Variants in UNC5C observed in about 807,000 individuals in gnomAD.
UNC5C encodes unc-5 netrin receptor C.
In UNC5C, 47 loss-of-function variants were observed where a neutral mutation model predicts 99.8. That is an observed-to-expected ratio of 0.47 (90% CI 0.37 to 0.60). The LOEUF is 0.60. UNC5C is among the 20% of genes least tolerant of loss of function. The pLI is 0.00. For synonymous variants in UNC5C, 487 were observed against 452.2 expected, an observed-to-expected ratio of 1.08 and a Z score of -0.98; for missense variants, 1,062 against 1,165.9, an observed-to-expected ratio of 0.91 and a Z score of 1.30.
rs1002437984 is a variant in UNC5C at position 95,167,395 on chromosome 4, A to G, written c.*1839T>C. The G allele has an allele frequency of 4.1e-5, 6 of 146,510 alleles. No individual in the cohort carries two copies. Among genetic ancestry groups the G allele is most frequent in the Non-Finnish European group, 7.4e-5 (5 of 68,020 alleles). The allele number at this position is 146,510 out of a possible 1,614,324, so 9.1% of individuals were successfully genotyped here. ...GTTTACACAAAGTAGTGTGTTGACT[A>G]ACAAACATTTTGCAGGACAAAAGTT... is the stretch of plus-strand genomic sequence containing the variant. On this transcript the variant is annotated 3_prime_UTR_variant, in exon 16 of 16. Transcript: ENST00000453304.
At chr4:95,520,523 C>T (rs1179149570) in intron 1 of UNC5C, among the ~76,000 whole-genome samples, 2 of 150,940 alleles carry the variant, frequency 1.3e-5, no homozygotes, top group Non-Finnish European at 2.9e-5. Context: ...TGAAATGGAA[C>T]AAAGAAGCTG....
intron 7 of UNC5C, among the ~76,000 whole-genome samples, chr4:95,225,460 T>G (rs1553955167): frequency 6.6e-6 from 1 of 152,178 alleles, no homozygotes; most frequent in Non-Finnish European, 1.5e-5. Context: ...GATTGTCAAA[T>G]GGAGCAAGGT....
At chr4:95,355,907 C>G (rs545809961) in intron 1 of UNC5C, among the ~76,000 whole-genome samples, 71 of 152,030 alleles carry the variant, frequency 4.7e-4, no homozygotes, top group South Asian at 1.2e-3. Flanking sequence ...GTTAAGACTC[C>G]TTATTACTGG....
intron 1 of UNC5C, among the ~76,000 whole-genome samples, chr4:95,482,915 C>T (rs372929121): frequency 5.9e-5 from 8 of 135,080 alleles, no homozygotes; most frequent in East Asian, 2.1e-4. Flanking sequence ...TGCTAAATGA[C>T]GAGTTAATGG....
At position 95,182,890 on chromosome 4, in the gene UNC5C, C is replaced by CACTT; in HGVS notation, c.2451+3_2451+6dup. ...CCCCTGATTTCAGACAGACAGGAGCCACTTACCTCTGACACGGTGCAGTTG... is the reference window on the plus strand; with the variant it reads ...CCCCTGATTTCAGACAGACAGGAGCCACTTACTTACCTCTGACACGGTGCAGTTG... On this transcript the variant is annotated splice_region_variant and intron_variant, in intron 14 of 15. Coordinates refer to ENST00000453304, the MANE Select transcript of UNC5C (RefSeq NM_003728.4). 6.2e-7 allele frequency: 1 copy of CACTT among 1,607,312 alleles called. No individual in the cohort carries two copies. Among genetic ancestry groups the CACTT allele is most frequent in the Non-Finnish European group, 8.5e-7 (1 of 1,174,746 alleles).
chr4:95,424,248 C>T (rs1223220307), intron 1 of UNC5C, among the ~76,000 whole-genome samples: 2 of 152,052 alleles, frequency 1.3e-5, no homozygotes, highest in East Asian at 3.9e-4. Context: ...ACATCCCTCC[C>T]TACCCCCACC....
At chr4:95,334,522 A>T (rs1459448809) in intron 2 of UNC5C, among the ~76,000 whole-genome samples, 2 of 152,000 alleles carry the variant, frequency 1.3e-5, no homozygotes, top group Non-Finnish European at 1.5e-5. Context: ...TCAAAGAGTT[A>T]TTCTGTCTGC....
At chr4:95,414,217 C>T (rs545083787) in intron 1 of UNC5C, among the ~76,000 whole-genome samples, 2 of 130,378 alleles carry the variant, frequency 1.5e-5, no homozygotes, top group African/African-American at 5.8e-5. Context: ...TTCCCCACCT[C>T]CCCCCCACAA....
chr4:95,406,849 A>G (rs114765531), intron 1 of UNC5C, among the ~76,000 whole-genome samples: 3,275 of 152,312 alleles, frequency 0.022, 54 homozygotes, highest in Non-Finnish European at 0.033. Context: ...TTCACTTCAA[A>G]CTATATTTTC....
At chr4:95,418,696 T>C (rs1213537234) in intron 1 of UNC5C, among the ~76,000 whole-genome samples, 1 of 152,186 alleles carries the variant, frequency 6.6e-6, no homozygotes, top group Admixed American at 6.5e-5. Flanking sequence ...ATAGAAAACA[T>C]GTTATCAAAT....
chr4:95,376,055 AAAAC>A (rs550544675), intron 1 of UNC5C, among the ~76,000 whole-genome samples: 58 of 152,204 alleles, frequency 3.8e-4, no homozygotes, highest in Admixed American at 1.4e-3. Flanking sequence ...TCCGTCTCAA[AAAAC>A]AAACAAACAA....
intron 1 of UNC5C, among the ~76,000 whole-genome samples, chr4:95,416,912 T>G (rs1746180792): frequency 6.6e-6 from 1 of 152,198 alleles, no homozygotes; most frequent in Non-Finnish European, 1.5e-5. Context: ...TTAGAGCTAC[T>G]GAATGCTTAT....
rs975731110 is a variant in UNC5C, at chr4:95,164,209, A to G, written c.*5025T>C. 2 of 152,168 alleles carry G rather than the reference A, an allele frequency of 1.3e-5. No individual in the cohort carries two copies. The highest frequency in any genetic ancestry group is 4.8e-5 in the African/African-American group (2 of 41,456). The allele number at this position is 152,168 out of a possible 1,614,324, so 9.4% of individuals were successfully genotyped here. On this transcript the variant is annotated 3_prime_UTR_variant, in exon 16 of 16. Coordinates refer to ENST00000453304, the MANE Select transcript of UNC5C (RefSeq NM_003728.4). ...CAGTTCTACACAAAGCCATCTCCCC[A>G]CTTTTCAAAAATAGGTTTTTCACAC...
intron 3 of UNC5C, among the ~76,000 whole-genome samples, chr4:95,296,589 A>G (rs1452223432): frequency 6.6e-6 from 1 of 152,188 alleles, no homozygotes; most frequent in East Asian, 1.9e-4. Flanking sequence ...AGGCTTATTA[A>G]CTAAAAATTC....
In UNC5C at chr4:95,169,308, T is replaced by G; in HGVS notation, c.2722A>C (p.Met908Leu). ...AQNFPDGNLS[M>L]LAAVLEEMGR... ...ATTTCTTCCAAGACAGCTGCCAGCA[T>G]GCTCAGGTTTCCATCTGGGAAGTTC... The change falls in exon 16 of 16, where the codon ATG becomes CTG. Residue 908 changes from methionine (M) to leucine (L), a missense_variant. This residue lies in a region of UNC5C where 810 missense variants were observed against 854.5 expected (regional missense o/e 0.95). Coordinates refer to ENST00000453304, the MANE Select transcript of UNC5C (RefSeq NM_003728.4). 1 of 1,614,248 alleles carries G rather than the reference T, an allele frequency of 6.2e-7. No homozygotes were observed. Among genetic ancestry groups the G allele is most frequent in the South Asian group, 1.1e-5 (1 of 91,090 alleles).
At chr4:95,467,399 C>T (rs2629836) in intron 1 of UNC5C, among the ~76,000 whole-genome samples, 9,145 of 152,084 alleles carry the variant, frequency 0.06, 549 homozygotes, top group African/African-American at 0.14. Flanking sequence ...TAAAGATCAA[C>T]CCACAGATAA....
At chr4:95,204,274 T>C (rs1294551815) in intron 11 of UNC5C, among the ~76,000 whole-genome samples, 4 of 152,238 alleles carry the variant, frequency 2.6e-5, no homozygotes, top group Admixed American at 2.6e-4. Flanking sequence ...TTTTGATTCA[T>C]CTATATGGTT....
intron 1 of UNC5C, among the ~76,000 whole-genome samples, chr4:95,429,784 C>T (rs1050041660): frequency 5.3e-5 from 8 of 152,074 alleles, no homozygotes; most frequent in Non-Finnish European, 1.0e-4. Context: ...CACACATATC[C>T]TTAACCAGGA....
chr4:95,173,166 T>C (rs1409869092), intron 14 of UNC5C, among the ~76,000 whole-genome samples: 1 of 151,262 alleles, frequency 6.6e-6, no homozygotes, highest in African/African-American at 2.4e-5. Flanking sequence ...TTTCTAGATA[T>C]ACAATCATGT....
Sources: gnomAD v4.1 joint callset for allele counts (sites outside exome capture counted in the v4.1 genomes callset) on GRCh38, gnomAD v4.1.1 for gene constraint, gnomAD v4.1.1 regional missense constraint, MANE v1.5 for transcripts, NCBI Gene and HGNC (gene_info 2026-07-23, HGNC 2026-07-21) for gene names.